PDLIM5: variants seen among roughly 807,000 people sequenced by gnomAD.
PDLIM5 encodes PDZ and LIM domain protein 5.
A neutral mutation model predicts 64.2 loss-of-function variants in PDLIM5; 34 were observed. That is an observed-to-expected ratio of 0.53 (90% CI 0.40 to 0.71). The LOEUF is 0.71. Among genes scored for constraint, PDLIM5 ranks in the 30% least tolerant of loss-of-function variants. PDLIM5 has a pLI of 0.00. For synonymous variants in PDLIM5, 253 were observed against 269.1 expected (o/e 0.94, Z 0.59); for missense variants, 683 against 733.6 (o/e 0.93, Z 0.80).
At chr4:94,511,026 C>T (rs1017102868) in intron 2 of PDLIM5, among the ~76,000 whole-genome samples, 1 of 152,158 alleles carries the variant, frequency 6.6e-6, no homozygotes, top group Non-Finnish European at 1.5e-5. Flanking sequence ...AAATATTTAT[C>T]ACCTCTTAGA....
chr4:94,627,831 C>T (rs962680692), intron 8 of PDLIM5, among the ~76,000 whole-genome samples: 11 of 152,268 alleles, frequency 7.2e-5, no homozygotes, highest in Admixed American at 2.0e-4. Flanking sequence ...GCCATCAGCA[C>T]CCTTGGTAGC....
chr4:94,467,333 G>A lies in PDLIM5; in HGVS notation c.96+11949G>A, dbSNP rs1012890043. On this transcript the variant is annotated intron_variant, in intron 2 of 12. Coordinates refer to ENST00000317968, the MANE Select transcript of PDLIM5 (RefSeq NM_006457.5). ...AGGAAAGTTTTTTTTTTTTTTTTTT[G>A]AGACGGAGTCTCGCTCTGTTGCCCA... Among the ~76,000 whole-genome samples, 3 of 52,832 alleles carry A rather than the reference G, an allele frequency of 5.7e-5. No homozygotes were observed. In the Admixed American group the frequency reaches 6.9e-4, roughly 12 times the overall value. 34.7% of individuals were successfully genotyped at this position (52,832 alleles called of 152,430 possible).
rs148773733 is a variant in PDLIM5 at position 94,502,059 on chromosome 4, C to T, written c.97-21665C>T. On this transcript the variant is annotated intron_variant, in intron 2 of 12. Coordinates refer to ENST00000317968, the MANE Select transcript of PDLIM5 (RefSeq NM_006457.5). ...TTTCCTTCTTTTTCTTCATTTCTCT[C>T]CCCTTTTCCCTTATTCCTACTCTTC... Among the ~76,000 whole-genome samples the T allele has an allele frequency of 2.2e-3, 332 of 152,182 alleles. 2 individuals carry two copies. The highest frequency in any genetic ancestry group is 7.2e-3 in the African/African-American group (299 of 41,520).
intron 7 of PDLIM5, among the ~76,000 whole-genome samples, chr4:94,602,929 C>T (rs778051116): frequency 4.0e-4 from 60 of 151,848 alleles, no homozygotes; most frequent in African/African-American, 1.3e-3. Flanking sequence ...ACATATTAAG[C>T]GATGAAAAAA....
chr4:94,665,264 A>T lies in PDLIM5; in HGVS notation c.*1197A>T. On this transcript the variant is annotated 3_prime_UTR_variant, in exon 13 of 13. Transcript: ENST00000317968. ...TTTGGGAGGCCAAGACGGGCGGATC[A>T]TGAGGTCAAGAGATCAAGATCATCC... 3 of 353,860 alleles carry T rather than the reference A, an allele frequency of 8.5e-6. No homozygotes were observed. The highest frequency in any genetic ancestry group is 1.2e-5 in the Non-Finnish European group (3 of 252,048). The allele number at this position is 353,860 out of a possible 1,614,324, so 21.9% of individuals were successfully genotyped here. A position where few individuals can be genotyped will look rare whatever the true frequency, so the allele number is the denominator to read the frequency against.
intron 5 of PDLIM5, chr4:94,582,664 A>G (rs544835170): frequency 3.2e-6 from 4 of 1,266,850 alleles, no homozygotes; most frequent in East Asian, 4.7e-5. Context: ...GGGAACATCA[A>G]TGTCTTCTCT....
chr4:94,642,777 A>G (rs1430002014), intron 9 of PDLIM5, among the ~76,000 whole-genome samples: 1 of 152,184 alleles, frequency 6.6e-6, no homozygotes, highest in Non-Finnish European at 1.5e-5. Flanking sequence ...TTACTTAACC[A>G]AAGCAAGAAG....
intron 3 of PDLIM5, among the ~76,000 whole-genome samples, chr4:94,538,664 A>T (rs956222508): frequency 3.3e-5 from 5 of 152,214 alleles, no homozygotes; most frequent in Admixed American, 2.6e-4. Context: ...AAATTGGTTT[A>T]TAGCAAATAC....
intron 2 of PDLIM5, among the ~76,000 whole-genome samples, chr4:94,511,683 C>A (rs957134347): frequency 1.3e-5 from 2 of 151,996 alleles, no homozygotes; most frequent in Non-Finnish European, 2.9e-5. Flanking sequence ...TCAATGAATT[C>A]AATTATTTTG....
chr4:94,459,491 G>A (rs527624404), intron 2 of PDLIM5, among the ~76,000 whole-genome samples: 4 of 152,278 alleles, frequency 2.6e-5, no homozygotes, highest in African/African-American at 9.6e-5. Context: ...GCCCTGTTTG[G>A]GAGTCTAACA....
intron 2 of PDLIM5, among the ~76,000 whole-genome samples, chr4:94,495,691 G>C (rs1042993478): frequency 6.6e-6 from 1 of 152,178 alleles, no homozygotes; most frequent in Admixed American, 6.5e-5. Flanking sequence ...AACCATTCCA[G>C]GGAGGGAGGA....
chr4:94,505,444 T>C (rs1246093546), intron 2 of PDLIM5, among the ~76,000 whole-genome samples: 1 of 152,070 alleles, frequency 6.6e-6, no homozygotes, highest in Non-Finnish European at 1.5e-5. Context: ...GAATTTTTAG[T>C]AGAGATAGGG....
At chr4:94,504,833 A>G (rs1728248198) in intron 2 of PDLIM5, among the ~76,000 whole-genome samples, 2 of 151,810 alleles carry the variant, frequency 1.3e-5, no homozygotes, top group South Asian at 4.2e-4. Flanking sequence ...ATGTTTCCAA[A>G]CTCTGAACTG....
chr4:94,592,427 C>T (rs1256094918), intron 7 of PDLIM5, among the ~76,000 whole-genome samples: 1 of 152,168 alleles, frequency 6.6e-6, no homozygotes, highest in Non-Finnish European at 1.5e-5. Flanking sequence ...CTAGTTCTCT[C>T]CTGGGGAGAT....
At chr4:94,591,105 G>T (rs1736641207) in intron 7 of PDLIM5, among the ~76,000 whole-genome samples, 1 of 152,096 alleles carries the variant, frequency 6.6e-6, no homozygotes, top group South Asian at 2.1e-4. Flanking sequence ...AAAACACTTT[G>T]GTGTATTACA....
intron 5 of PDLIM5, chr4:94,579,086 G>C (rs1029641126): frequency 6.6e-6 from 1 of 152,178 alleles, no homozygotes; most frequent in Non-Finnish European, 1.5e-5. Context: ...ACATAACGTC[G>C]ATATTTTTAG....
chr4:94,663,838 G>A, intron 12 of PDLIM5, 140 bp from the exon 13 acceptor site: 1 of 629,454 alleles, frequency 1.6e-6, no homozygotes, highest in Non-Finnish European at 2.5e-6. Flanking sequence ...AAATATTAGG[G>A]AGTCTAACTT....
intron 3 of PDLIM5, among the ~76,000 whole-genome samples, chr4:94,532,561 G>T (rs935640310): frequency 2.0e-5 from 3 of 152,264 alleles, no homozygotes; most frequent in Admixed American, 6.5e-5. Context: ...CGCCTGGGTC[G>T]TGACTGCCCT....
chr4:94,456,889 A>G (rs1023685593), intron 2 of PDLIM5: 26 of 1,071,558 alleles, frequency 2.4e-5, no homozygotes, highest in Middle Eastern at 8.8e-4. Flanking sequence ...AAATAGTGAT[A>G]TTATTCCCAT....
Sources: allele counts gnomAD v4.1 joint callset (sites outside exome capture counted in the v4.1 genomes callset), GRCh38; gene constraint gnomAD v4.1.1; transcripts MANE v1.5; gene names NCBI Gene and HGNC (gene_info 2026-07-23, HGNC 2026-07-21).